The following GRM7 variants were observed in gnomAD, a reference collection of about 807,000 sequenced individuals.
GRM7 encodes the protein metabotropic glutamate receptor 7.
In GRM7, 35 loss-of-function variants were observed where a neutral mutation model predicts 84.5. That is an observed-to-expected ratio of 0.41 (90% CI 0.32 to 0.55). The LOEUF is 0.55. Among genes scored for constraint, GRM7 ranks in the 20% least tolerant of loss-of-function variants. The probability of loss-of-function intolerance (pLI) is 0.19; values close to 1 mark genes in which losing one functional copy is unlikely to be tolerated. For missense variants in GRM7, 1,003 were observed against 1,194.6 expected, an observed-to-expected ratio of 0.84 and a Z score of 2.36; for synonymous variants, 487 against 455.1, an observed-to-expected ratio of 1.07 and a Z score of -0.89.
chr3:7,574,652 G>T (rs570578633), intron 7 of GRM7, among the ~76,000 whole-genome samples: 1 of 152,294 alleles, frequency 6.6e-6, no homozygotes, highest in Admixed American at 6.5e-5. Flanking sequence ...TGAATGTCTT[G>T]CTCATAGCTT....
In GRM7 at chr3:7,567,747, C is replaced by CAAAAAAAAAAA. The variant is rs1176146756; in HGVS notation, c.1516-10647_1516-10637dup. 4.4e-4 allele frequency among the ~76,000 whole-genome samples: 20 copies of CAAAAAAAAAAA among 45,822 alleles called. 2 individuals carry two copies. The highest frequency in any genetic ancestry group is 6.4e-4 in the Non-Finnish European group (16 of 25,176). The allele number at this position is 45,822 out of a possible 152,430, so 30.1% of individuals were successfully genotyped here. Reference sequence around the variant, plus strand: ...TGGGTGACAGAGTGAGACTCCATCTCAAAAAAAAAAAAAAAAAAAAAAAAA... The same window carrying CAAAAAAAAAAA: ...TGGGTGACAGAGTGAGACTCCATCTCAAAAAAAAAAAAAAAAAAAAAAAAAAAAAAAAAAAA... On this transcript the variant is annotated intron_variant, in intron 7 of 9. Coordinates refer to ENST00000357716, the MANE Select transcript of GRM7 (RefSeq NM_000844.4).
At chr3:7,689,110 A>G (rs188531786) in intron 9 of GRM7, among the ~76,000 whole-genome samples, 1 of 152,364 alleles carries the variant, frequency 6.6e-6, no homozygotes, top group Non-Finnish European at 1.5e-5. Context: ...GGGTCAGGAA[A>G]TAAGTTTTGT....
intron 4 of GRM7, among the ~76,000 whole-genome samples, chr3:7,353,976 T>C (rs1212511440): frequency 6.6e-6 from 1 of 152,182 alleles, no homozygotes; most frequent in Admixed American, 6.5e-5. Context: ...TTGATCTGTA[T>C]ACACAGAAAA....
chr3:7,537,186 G>A (rs771431767), intron 7 of GRM7, among the ~76,000 whole-genome samples: 1 of 152,054 alleles, frequency 6.6e-6, no homozygotes, highest in African/African-American at 2.4e-5. Flanking sequence ...CTCTAAGCTT[G>A]GGTTCTCTCT....
At chr3:7,494,332 C>T (rs1422269018) in intron 7 of GRM7, among the ~76,000 whole-genome samples, 1 of 152,206 alleles carries the variant, frequency 6.6e-6, no homozygotes, top group Non-Finnish European at 1.5e-5. Flanking sequence ...AGGAAATATA[C>T]TGTCAAGTAA....
At chr3:7,379,985 A>G (rs1694519651) in intron 4 of GRM7, among the ~76,000 whole-genome samples, 1 of 152,202 alleles carries the variant, frequency 6.6e-6, no homozygotes, top group South Asian at 2.1e-4. Flanking sequence ...TCTGACAGAT[A>G]ACCCTGTAGC....
intron 7 of GRM7, among the ~76,000 whole-genome samples, chr3:7,577,613 A>G (rs1483974216): frequency 1.3e-5 from 2 of 152,190 alleles, no homozygotes; most frequent in South Asian, 4.1e-4. Flanking sequence ...ACTGCTGGGT[A>G]TGTTCCCCTC....
intron 5 of GRM7, among the ~76,000 whole-genome samples, chr3:7,422,494 G>A (rs1011801131): frequency 1.3e-5 from 2 of 152,162 alleles, no homozygotes; most frequent in African/African-American, 4.8e-5. Flanking sequence ...GAGCTCTTCA[G>A]GAGCTTATAC....
At chr3:7,062,035 T>A (rs979896877) in intron 1 of GRM7, among the ~76,000 whole-genome samples, 1 of 151,712 alleles carries the variant, frequency 6.6e-6, no homozygotes, top group Admixed American at 6.6e-5. Flanking sequence ...GCTTCCTGTT[T>A]GGATACCCAC....
At chr3:7,721,701 C>T (rs1338637413) in intron 9 of GRM7, among the ~76,000 whole-genome samples, 1 of 152,214 alleles carries the variant, frequency 6.6e-6, no homozygotes, top group Non-Finnish European at 1.5e-5. Context: ...AATGGTGTCA[C>T]ATCACTACAA....
chr3:7,646,422 G>A (rs544308177), intron 8 of GRM7, among the ~76,000 whole-genome samples: 179 of 152,178 alleles, frequency 1.2e-3, no homozygotes, highest in Middle Eastern at 3.4e-3. Flanking sequence ...TCGAACTCCT[G>A]ACCTGATGAT....
chr3:7,357,442 C>G (rs909286992), intron 4 of GRM7, among the ~76,000 whole-genome samples: 1 of 152,032 alleles, frequency 6.6e-6, no homozygotes, highest in Non-Finnish European at 1.5e-5. Context: ...CCCTCTTACC[C>G]CCTTCAATAG....
chr3:7,241,669 C>T (rs1049117095), intron 2 of GRM7, among the ~76,000 whole-genome samples: 1 of 151,950 alleles, frequency 6.6e-6, no homozygotes, highest in Non-Finnish European at 1.5e-5. Context: ...AGAGACTGAC[C>T]GTTGATTTCC....
chr3:7,028,568 A>G (rs1278050913), intron 1 of GRM7, among the ~76,000 whole-genome samples: 1 of 152,232 alleles, frequency 6.6e-6, no homozygotes, highest in Non-Finnish European at 1.5e-5. Context: ...AAAATAACAG[A>G]TAAAATATAT....
intron 2 of GRM7, among the ~76,000 whole-genome samples, chr3:7,175,434 G>A (rs147326253): frequency 4.1e-4 from 62 of 152,350 alleles, no homozygotes; most frequent in African/African-American, 1.5e-3. Flanking sequence ...ATGTGGAAGA[G>A]ATTATTGTGT....
At chr3:7,631,631 T>C (rs1474051394) in intron 8 of GRM7, among the ~76,000 whole-genome samples, 4 of 152,040 alleles carry the variant, frequency 2.6e-5, no homozygotes, top group Non-Finnish European at 5.9e-5. Context: ...CTATTGACAT[T>C]TTGCTCCAGA....
intron 5 of GRM7, among the ~76,000 whole-genome samples, chr3:7,421,233 A>ATGTTAATT (rs1389180444): frequency 6.6e-6 from 1 of 152,220 alleles, no homozygotes. Context: ...AGGGAAGCAT[A>ATGTTAATT]GCGCCACCTA....
At chr3:7,138,016 G>A (rs1693824954) in intron 1 of GRM7, among the ~76,000 whole-genome samples, 1 of 151,912 alleles carries the variant, frequency 6.6e-6, no homozygotes, top group Non-Finnish European at 1.5e-5. Flanking sequence ...AAGTGCATGA[G>A]ATAATATCTA....
At chr3:7,695,900 C>G (rs1700996874) in intron 9 of GRM7, among the ~76,000 whole-genome samples, 1 of 152,124 alleles carries the variant, frequency 6.6e-6, no homozygotes, top group African/African-American at 2.4e-5. Context: ...CCACTGGATA[C>G]CTGTGGCTAT....
Sources: gnomAD v4.1 joint callset for allele counts (sites outside exome capture counted in the v4.1 genomes callset) on GRCh38, gnomAD v4.1.1 for gene constraint, MANE v1.5 for transcripts, NCBI Gene and HGNC (gene_info 2026-07-23, HGNC 2026-07-21) for gene names.